The following SLC44A5 variants were observed in gnomAD, a reference collection of about 807,000 sequenced individuals.
The protein encoded by SLC44A5 is choline transporter-like protein 5.
Under a neutral mutation model 101.8 loss-of-function variants are expected in SLC44A5, and 57 were observed. The observed-to-expected ratio is 0.56, with a 90% confidence interval of 0.45 to 0.70. SLC44A5 has a LOEUF of 0.70. Among genes scored for constraint, SLC44A5 ranks in the 30% least tolerant of loss-of-function variants. The pLI, the probability that SLC44A5 is intolerant of heterozygous loss-of-function variation, is 0.00. For missense variants in SLC44A5, 737 were observed against 853.1 expected (o/e 0.86, Z 1.70); for synonymous variants, 281 against 290.9 (o/e 0.97, Z 0.35).
intron 3 of SLC44A5, among the ~76,000 whole-genome samples, chr1:75,341,542 C>T (rs1018078089): frequency 6.7e-6 from 1 of 148,296 alleles, no homozygotes; most frequent in Non-Finnish European, 1.5e-5. Flanking sequence ...AAAGAAGGAA[C>T]GAGAGAGAAG....
At chr1:75,330,144 C>CATATATGTATATGCATAT (rs1557669608) in intron 4 of SLC44A5, among the ~76,000 whole-genome samples, 3 of 100,674 alleles carry the variant, frequency 3.0e-5, no homozygotes, top group Non-Finnish European at 4.9e-5. Flanking sequence ...CACACACATG[C>CATATATGTATATGCATAT]ATATACGTAT....
chr1:75,248,617 C>T (rs1311309396), intron 7 of SLC44A5, among the ~76,000 whole-genome samples: 2 of 152,130 alleles, frequency 1.3e-5, no homozygotes, highest in South Asian at 4.1e-4. Flanking sequence ...CTTGGAAGTT[C>T]CAGGTGAGAA....
the SLC44A5 span, among the ~76,000 whole-genome samples, chr1:75,638,448 C>A: frequency 9.9e-4 from 151 of 152,020 alleles, 1 homozygote; most frequent in African/African-American, 3.3e-3. Context: ...ATAAAACCTG[C>A]AAGGAATCAG....
rs553665210 is a variant in SLC44A5, at chr1:75,334,794, G to A, written c.101+4788C>T. Among the ~76,000 whole-genome samples the A allele has an allele frequency of 7.2e-5, 11 of 152,178 alleles. No homozygotes were observed. The South Asian group carries it at 2.3e-3, about 32-fold the overall frequency. ...CTTTTAACTAAAACACCTATATAAA[G>A]GGGACATTTTGAAAGAACATTAAAG... On this transcript the variant is annotated intron_variant, in intron 4 of 23. Coordinates refer to ENST00000370859, the MANE Select transcript of SLC44A5 (RefSeq NM_001130058.2).
intron 2 of SLC44A5, among the ~76,000 whole-genome samples, chr1:75,457,036 G>A (rs1222975228): frequency 6.6e-6 from 1 of 152,214 alleles, no homozygotes; most frequent in African/African-American, 2.4e-5. Flanking sequence ...ACAGATCTAA[G>A]ATTATAGAAC....
chr1:75,632,212 T>G, the SLC44A5 span, among the ~76,000 whole-genome samples: 1 of 152,164 alleles, frequency 6.6e-6, no homozygotes, highest in Non-Finnish European at 1.5e-5. Context: ...TCATGTAAAT[T>G]TTTCTTTACC....
intron 2 of SLC44A5, among the ~76,000 whole-genome samples, chr1:75,432,351 G>T (rs1260253003): frequency 1.3e-5 from 2 of 152,066 alleles, no homozygotes; most frequent in African/African-American, 4.8e-5. Context: ...ACTCACACAG[G>T]GGGAAACAGT....
the SLC44A5 span, among the ~76,000 whole-genome samples, chr1:75,702,712 C>G: frequency 3.9e-5 from 6 of 152,080 alleles, no homozygotes; most frequent in African/African-American, 1.4e-4. Flanking sequence ...TACCATCAGA[C>G]TGAACAGGCC....
At chr1:75,709,090 C>A in the SLC44A5 span, among the ~76,000 whole-genome samples, 2 of 152,168 alleles carry the variant, frequency 1.3e-5, no homozygotes, top group Non-Finnish European at 2.9e-5. Context: ...AATAACTCAA[C>A]CACTTATGAT....
At chr1:75,316,913 G>A (rs1326926902) in intron 4 of SLC44A5, among the ~76,000 whole-genome samples, 2 of 152,156 alleles carry the variant, frequency 1.3e-5, no homozygotes, top group African/African-American at 4.8e-5. Context: ...GTGTAAGGTT[G>A]AGCCAGCAAA....
At chr1:75,571,036 A>G (rs1268338283) in intron 1 of SLC44A5, among the ~76,000 whole-genome samples, 1 of 152,160 alleles carries the variant, frequency 6.6e-6, no homozygotes, top group Non-Finnish European at 1.5e-5. Flanking sequence ...GACTAAAGCC[A>G]GCAATATGAA....
chr1:75,397,884 C>G (rs1022323269), intron 2 of SLC44A5, among the ~76,000 whole-genome samples: 2 of 152,064 alleles, frequency 1.3e-5, no homozygotes, highest in Non-Finnish European at 2.9e-5. Context: ...TATTCCCCAC[C>G]ACCACACACA....
chr1:75,366,893 C>T (rs1460316419), intron 3 of SLC44A5, among the ~76,000 whole-genome samples: 3 of 152,062 alleles, frequency 2.0e-5, no homozygotes, highest in African/African-American at 7.2e-5. Flanking sequence ...GTTTCTGTTT[C>T]TTATTAAACT....
chr1:75,712,552 A>T, the SLC44A5 span, among the ~76,000 whole-genome samples: 1 of 152,214 alleles, frequency 6.6e-6, no homozygotes, highest in Admixed American at 6.5e-5. Context: ...TTCATTGGCA[A>T]GGCTGACAAA....
chr1:75,571,665 T>C (rs1673081734), intron 1 of SLC44A5, among the ~76,000 whole-genome samples: 1 of 152,180 alleles, frequency 6.6e-6, no homozygotes, highest in Non-Finnish European at 1.5e-5. Flanking sequence ...TAAGATAGGC[T>C]AAGCCAAACT....
At chr1:75,638,161 TTAAA>T in the SLC44A5 span, among the ~76,000 whole-genome samples, 1 of 151,990 alleles carries the variant, frequency 6.6e-6, no homozygotes, top group African/African-American at 2.4e-5. Context: ...ATAAAAAGAC[TTAAA>T]TAATATGACA....
the SLC44A5 span, among the ~76,000 whole-genome samples, chr1:75,645,660 T>C: frequency 6.7e-6 from 1 of 150,148 alleles, no homozygotes; most frequent in Non-Finnish European, 1.5e-5. Flanking sequence ...TTTTGGCTTT[T>C]GTTGCCATTG....
the SLC44A5 span, among the ~76,000 whole-genome samples, chr1:75,677,001 C>T: frequency 7.2e-5 from 11 of 152,168 alleles, no homozygotes; most frequent in Non-Finnish European, 1.5e-4. Flanking sequence ...TATCCTAGAA[C>T]ATTATATTCG....
intron 2 of SLC44A5, among the ~76,000 whole-genome samples, chr1:75,426,910 C>A (rs535078150): frequency 1.5e-3 from 228 of 152,224 alleles, no homozygotes; most frequent in Non-Finnish European, 2.8e-3. Flanking sequence ...CTGCAGCGTC[C>A]ATCTTTCAGC....
Sources: allele counts gnomAD v4.1 joint callset (sites outside exome capture counted in the v4.1 genomes callset), GRCh38; gene constraint gnomAD v4.1.1; transcripts MANE v1.5; gene names NCBI Gene and HGNC (gene_info 2026-07-23, HGNC 2026-07-21).